The following PRRX2 variants were observed in gnomAD, a reference collection of about 807,000 sequenced individuals.
PRRX2 encodes the protein paired related homeobox 2.
In PRRX2, 11 loss-of-function variants were observed where a neutral mutation model predicts 18.0. The observed-to-expected ratio is 0.61, with a 90% CI of 0.39 to 1.01. The LOEUF is 1.01. Ranked by LOEUF, PRRX2 falls within the 50% of genes least tolerant of loss-of-function variation. The pLI, the probability that PRRX2 is intolerant of heterozygous loss-of-function variation, is 0.01. For synonymous variants in PRRX2, 177 were observed against 154.8 expected, an observed-to-expected ratio of 1.14 and a Z score of -1.06; for missense variants, 387 against 351.0, an observed-to-expected ratio of 1.10 and a Z score of -0.82.
chr9:129,698,323 A>G (rs552525348), intron 1 of PRRX2, among the ~76,000 whole-genome samples: 1 of 150,770 alleles, frequency 6.6e-6, no homozygotes, highest in Non-Finnish European at 1.5e-5. Flanking sequence ...AGGAAGCGTA[A>G]GACCAGGCGG....
chr9:129,701,254 G>A (rs1281121106), intron 1 of PRRX2, among the ~76,000 whole-genome samples: 1 of 152,240 alleles, frequency 6.6e-6, no homozygotes, highest in Non-Finnish European at 1.5e-5. Flanking sequence ...TTCACTGTGT[G>A]TCGCTCACAG....
chr9:129,670,371 T>C (rs954440823), intron 1 of PRRX2, among the ~76,000 whole-genome samples: 2 of 152,112 alleles, frequency 1.3e-5, no homozygotes, highest in African/African-American at 4.8e-5. Flanking sequence ...GTTCTACCTT[T>C]AATTTTTTTA....
intron 3 of PRRX2, among the ~76,000 whole-genome samples, chr9:129,721,952 C>T (rs1165561554): frequency 1.3e-5 from 2 of 152,130 alleles, no homozygotes. Flanking sequence ...GCCCAGGGTA[C>T]GCATGGAGGG....
At position 129,719,311 on chromosome 9, in the gene PRRX2, A is replaced by T; in HGVS notation, c.340A>T (p.Ser114Cys). ...QRRNRTTFNS[S>C]QLQALERVFE... ...GCGGAACCGCACCACGTTCAACAGC[A>T]GCCAACTGCAGGCGCTGGAGCGCGT... Residue 114 changes from serine to cysteine, a missense_variant, in exon 2 of 4, where the codon AGC becomes TGC. Coordinates refer to ENST00000372469, the MANE Select transcript of PRRX2 (RefSeq NM_016307.4). The T allele has an allele frequency of 6.2e-7, 1 of 1,610,512 alleles. No individual in the cohort carries two copies. The highest frequency in any genetic ancestry group is 1.1e-5 in the South Asian group (1 of 90,558).
At chr9:129,705,757 G>T (rs13296372) in intron 1 of PRRX2, among the ~76,000 whole-genome samples, 25 of 152,092 alleles carry the variant, frequency 1.6e-4, no homozygotes, top group Non-Finnish European at 2.5e-4. Context: ...GCTGTGACCC[G>T]GCCGCATGGG....
At chr9:129,684,124 G>C (rs1252968950) in intron 1 of PRRX2, among the ~76,000 whole-genome samples, 1 of 152,170 alleles carries the variant, frequency 6.6e-6, no homozygotes, top group Non-Finnish European at 1.5e-5. Flanking sequence ...TGGGGGTGAG[G>C]GGTTCCTGGA....
In PRRX2 at chr9:129,720,680, T is replaced by G; in HGVS notation, c.532T>G (p.Tyr178Asp). 1 of 1,613,456 alleles carries G rather than the reference T, an allele frequency of 6.2e-7. No homozygotes were observed. Among genetic ancestry groups the G allele is most frequent in the Non-Finnish European group, 8.5e-7 (1 of 1,179,850 alleles). Reference sequence around the variant, plus strand: ...CCGCTCTGCCTCGCTGCTCAAGTCCTACAGCCAGGAGGCCGCCATCGAGCA... The same window carrying G: ...CCGCTCTGCCTCGCTGCTCAAGTCCGACAGCCAGGAGGCCGCCATCGAGCA... The part of the protein sequence containing the change: ...ASRSASLLKS[Y>D]SQEAAIEQPV... The change falls in exon 3 of 4, where the codon TAC becomes GAC. Residue 178 changes from tyrosine to aspartate, a missense_variant. By Grantham distance (160) the Tyr-to-Asp change is radical. Coordinates refer to ENST00000372469, the MANE Select transcript of PRRX2 (RefSeq NM_016307.4).
At chr9:129,669,419 G>C (rs1258508645) in intron 1 of PRRX2, among the ~76,000 whole-genome samples, 4 of 152,238 alleles carry the variant, frequency 2.6e-5, no homozygotes, top group African/African-American at 7.2e-5. Flanking sequence ...ATTAATAACT[G>C]AGATTTTCTC....
rs867383311 is a variant in PRRX2, at chr9:129,720,696, C to T, written c.548C>T (p.Ala183Val). The change falls in exon 3 of 4, where the codon GCC becomes GTC. Residue 183 changes from alanine (A) to valine (V), a missense_variant. Coordinates refer to ENST00000372469, the MANE Select transcript of PRRX2 (RefSeq NM_016307.4). ...SLLKSYSQEA[A>V]IEQPVAPRPT... ...CTCAAGTCCTACAGCCAGGAGGCCG[C>T]CATCGAGCAGCCCGTGGCTCCCCGG... is the stretch of plus-strand genomic sequence containing the variant. 2 of 1,613,298 alleles carry T rather than the reference C, an allele frequency of 1.2e-6. No individual in the cohort carries two copies. The highest frequency in any genetic ancestry group is 1.7e-6 in the Non-Finnish European group (2 of 1,179,812).
At chr9:129,686,440 GGGCTCAAGTGATCCTTCC>G (rs947605699) in intron 1 of PRRX2, among the ~76,000 whole-genome samples, 2 of 152,156 alleles carry the variant, frequency 1.3e-5, no homozygotes, top group African/African-American at 4.8e-5. Flanking sequence ...TCCATGTCCT[GGGCTCAAGTGATCCTTCC>G]GCCTCAGCCT....
At chr9:129,684,467 A>G (rs1364342548) in intron 1 of PRRX2, among the ~76,000 whole-genome samples, 1 of 81,264 alleles carries the variant, frequency 1.2e-5, no homozygotes, top group African/African-American at 4.2e-5. Context: ...CACCCAACAG[A>G]AAAGATACCA....
chr9:129,707,835 A>G (rs1436916565), intron 1 of PRRX2, among the ~76,000 whole-genome samples: 1 of 151,876 alleles, frequency 6.6e-6, no homozygotes, highest in Non-Finnish European at 1.5e-5. Flanking sequence ...CATTGTGTAC[A>G]GGTTTTTGTG....
rs913702298 is a variant in PRRX2 at position 129,715,145 on chromosome 9, G to A, written c.260-4086G>A. ...CCTCCCCACTGCCCCCACAGCCCCC[G>A]CCTGGTCCCGTATGTTTGCAAGTAT... On this transcript the variant is annotated intron_variant, in intron 1 of 3. Coordinates refer to ENST00000372469, the MANE Select transcript of PRRX2 (RefSeq NM_016307.4). The surrounding 1 kb of genome is among the most constrained non-coding windows in gnomAD (Gnocchi z 4.0). 1.3e-5 allele frequency among the ~76,000 whole-genome samples: 2 copies of A among 152,042 alleles called. No individual in the cohort carries two copies. Among genetic ancestry groups the A allele is most frequent in the South Asian group, 2.1e-4 (1 of 4,822 alleles).
intron 1 of PRRX2, among the ~76,000 whole-genome samples, chr9:129,674,095 G>A (rs553162124): frequency 2.0e-5 from 3 of 152,184 alleles, no homozygotes; most frequent in South Asian, 2.1e-4. Context: ...CCACAGAATC[G>A]CACCAGATCC....
At chr9:129,678,333 A>C (rs980620739) in intron 1 of PRRX2, among the ~76,000 whole-genome samples, 1 of 152,084 alleles carries the variant, frequency 6.6e-6, no homozygotes, top group African/African-American at 2.4e-5. Context: ...CCTTCTGTGA[A>C]TGCTTCTCTC....
chr9:129,683,203 A>C (rs1832255697), intron 1 of PRRX2, among the ~76,000 whole-genome samples: 1 of 151,826 alleles, frequency 6.6e-6, no homozygotes, highest in South Asian at 2.1e-4. Flanking sequence ...CCCTCCTGGG[A>C]CTCCCTTCAT....
At chr9:129,672,994 A>T (rs908667710) in intron 1 of PRRX2, among the ~76,000 whole-genome samples, 5 of 152,118 alleles carry the variant, frequency 3.3e-5, no homozygotes, top group African/African-American at 1.2e-4. Context: ...TGGTTCCCAG[A>T]CTTCCAGTTT....
At chr9:129,710,954 C>T (rs1482962003) in intron 1 of PRRX2, among the ~76,000 whole-genome samples, 2 of 152,130 alleles carry the variant, frequency 1.3e-5, no homozygotes, top group Non-Finnish European at 2.9e-5. Flanking sequence ...TGACTGTGGC[C>T]CACCCTCACA....
In PRRX2 at chr9:129,720,576, G is replaced by T; in HGVS notation, c.448-20G>T. The T allele has an allele frequency of 6.3e-7, 1 of 1,585,744 alleles. No individual in the cohort carries two copies. Among genetic ancestry groups the T allele is most frequent in the Non-Finnish European group, 8.6e-7 (1 of 1,164,316 alleles). On this transcript the variant is annotated intron_variant, in intron 2 of 3. Transcript: ENST00000372469. ...GTCCCCCCTGCCCATGCTGCACCCTGCTCACCCTCCCACCCACAGGTCTGG... is the reference window on the plus strand; with the variant it reads ...GTCCCCCCTGCCCATGCTGCACCCTTCTCACCCTCCCACCCACAGGTCTGG...
Sources: allele counts gnomAD v4.1 joint callset (sites outside exome capture counted in the v4.1 genomes callset), GRCh38; gene constraint gnomAD v4.1.1; non-coding constraint Gnocchi (gnomAD v3.1); transcripts MANE v1.5; gene names NCBI Gene and HGNC (gene_info 2026-07-23, HGNC 2026-07-21).